Variants in MEF2A observed in about 807,000 individuals in gnomAD.
MEF2A encodes the protein myocyte enhancer factor 2A, also known as myocyte-specific enhancer factor 2A.
Under a neutral mutation model 55.8 loss-of-function variants are expected in MEF2A, and 28 were observed. The ratio of observed to expected loss-of-function variants is 0.50; its 90% CI spans 0.37 to 0.69. The LOEUF (loss-of-function observed/expected upper bound fraction) is 0.69, where lower values mean the gene tolerates loss of function less well. Ranked by LOEUF, MEF2A falls within the 30% of genes least tolerant of loss-of-function variation. The pLI is 0.00. For synonymous variants in MEF2A, 239 were observed against 227.1 expected, an observed-to-expected ratio of 1.05 and a Z score of -0.47; for missense variants, 528 against 626.2, an observed-to-expected ratio of 0.84 and a Z score of 1.67.
At chr15:99,693,414 T>C (rs912891465) in intron 8 of MEF2A, among the ~76,000 whole-genome samples, 9 of 151,966 alleles carry the variant, frequency 5.9e-5, no homozygotes, top group African/African-American at 1.9e-4. Flanking sequence ...AACACACACA[T>C]GCACGCATGC....
chr15:99,571,770 A>G (rs989365549), intron 1 of MEF2A, among the ~76,000 whole-genome samples: 1 of 152,046 alleles, frequency 6.6e-6, no homozygotes, highest in Admixed American at 6.5e-5. Flanking sequence ...CTCTGCTGGC[A>G]TTCCCCATAT....
chr15:99,695,237 A>G (rs2056243184), intron 8 of MEF2A, among the ~76,000 whole-genome samples: 1 of 152,192 alleles, frequency 6.6e-6, no homozygotes, highest in South Asian at 2.1e-4. Flanking sequence ...AATAAAATAT[A>G]TGACAACAAA....
At chr15:99,588,366 A>G (rs1021714087) in intron 1 of MEF2A, among the ~76,000 whole-genome samples, 56 of 151,492 alleles carry the variant, frequency 3.7e-4, no homozygotes, top group Middle Eastern at 3.4e-3. Context: ...CAGTGGCACG[A>G]TCTTGGCTCA....
intron 8 of MEF2A, among the ~76,000 whole-genome samples, 166 bp from the exon 9 acceptor site, chr15:99,703,196 A>C (rs2057622536): frequency 6.6e-6 from 1 of 152,234 alleles, no homozygotes; most frequent in Non-Finnish European, 1.5e-5. Context: ...AAAACTCAAC[A>C]AGTAGAGACA....
chr15:99,587,654 G>C (rs1480872619), intron 1 of MEF2A, among the ~76,000 whole-genome samples: 1 of 152,020 alleles, frequency 6.6e-6, no homozygotes, highest in Non-Finnish European at 1.5e-5. Flanking sequence ...TGTTAGTCTT[G>C]CACATGTTGT....
chr15:99,708,873 C>T lies in MEF2A; in HGVS notation c.1010-1761C>T, dbSNP rs535367093. ...TGCCTGTACAAAGGCTAGGAGTTTGCGGGCGGGACGGGGCTGAAGGAATGG... is the reference window on the plus strand; with the variant it reads ...TGCCTGTACAAAGGCTAGGAGTTTGTGGGCGGGACGGGGCTGAAGGAATGG... On this transcript the variant is annotated intron_variant, in intron 10 of 11. Transcript: ENST00000557942. 7.9e-5 allele frequency among the ~76,000 whole-genome samples: 12 copies of T among 152,098 alleles called. No individual in the cohort carries two copies. In the South Asian group the frequency reaches 8.3e-4, roughly 11 times the overall value.
At chr15:99,629,065 G>A (rs1567263380) in intron 2 of MEF2A, among the ~76,000 whole-genome samples, 1 of 151,286 alleles carries the variant, frequency 6.6e-6, no homozygotes, top group Non-Finnish European at 1.5e-5. Flanking sequence ...TATTATTTGG[G>A]AAAAGTCAGC....
At chr15:99,676,855 G>A (rs903801642) in intron 7 of MEF2A, among the ~76,000 whole-genome samples, 1 of 152,124 alleles carries the variant, frequency 6.6e-6, no homozygotes, top group Non-Finnish European at 1.5e-5. Flanking sequence ...TTAGATCGTA[G>A]TGATTAGAAA....
At chr15:99,616,760 A>G (rs2040251369) in intron 2 of MEF2A, among the ~76,000 whole-genome samples, 1 of 152,064 alleles carries the variant, frequency 6.6e-6, no homozygotes, top group Admixed American at 6.6e-5. Flanking sequence ...TGGGTACCGG[A>G]TATCTGTAAA....
intron 1 of MEF2A, among the ~76,000 whole-genome samples, chr15:99,585,026 C>T (rs1232668525): frequency 6.6e-6 from 1 of 152,042 alleles, no homozygotes; most frequent in Non-Finnish European, 1.5e-5. Flanking sequence ...CAAATGCTAC[C>T]TTCTCCATCC....
At chr15:99,605,249 C>T (rs887362703) in intron 2 of MEF2A, among the ~76,000 whole-genome samples, 6 of 152,198 alleles carry the variant, frequency 3.9e-5, no homozygotes, top group Non-Finnish European at 5.9e-5. Context: ...CGTCCTGCCT[C>T]TCTTCCACTT....
chr15:99,668,976 C>T (rs1181509639), intron 4 of MEF2A, among the ~76,000 whole-genome samples: 1 of 152,194 alleles, frequency 6.6e-6, no homozygotes, highest in South Asian at 2.1e-4. Context: ...CTTAAATTCT[C>T]TCATGGTGAC....
chr15:99,628,456 G>A (rs192252133), intron 2 of MEF2A, among the ~76,000 whole-genome samples: 1 of 152,010 alleles, frequency 6.6e-6, no homozygotes, highest in Admixed American at 6.5e-5. Context: ...TACATATTTG[G>A]ATTAAATCTG....
chr15:99,699,729 CTG>C (rs1219261982), intron 8 of MEF2A, among the ~76,000 whole-genome samples: 1 of 152,186 alleles, frequency 6.6e-6, no homozygotes, highest in East Asian at 1.9e-4. Flanking sequence ...TAGCAAATCA[CTG>C]TGCTCTAGAT....
intron 4 of MEF2A, among the ~76,000 whole-genome samples, chr15:99,658,195 C>G (rs1213384466): frequency 6.6e-6 from 1 of 151,972 alleles, no homozygotes; most frequent in Non-Finnish European, 1.5e-5. Flanking sequence ...AAGAAATAAG[C>G]TTGAAAATAT....
At chr15:99,600,015 C>G (rs1015278148) in intron 2 of MEF2A, among the ~76,000 whole-genome samples, 10 of 152,016 alleles carry the variant, frequency 6.6e-5, no homozygotes, top group African/African-American at 2.4e-4. Flanking sequence ...ATTTTGGTAT[C>G]CATGGAGGAT....
At chr15:99,585,029 CTCCA>C (rs1011930455) in intron 1 of MEF2A, among the ~76,000 whole-genome samples, 1 of 152,090 alleles carries the variant, frequency 6.6e-6, no homozygotes, top group African/African-American at 2.4e-5. Flanking sequence ...ATGCTACCTT[CTCCA>C]TCCACTAGCT....
chr15:99,671,288 A>G, intron 4 of MEF2A, 35 bp from the exon 5 acceptor site: 1 of 1,586,776 alleles, frequency 6.3e-7, no homozygotes, highest in Non-Finnish European at 8.6e-7. Flanking sequence ...GCAAGTTAGC[A>G]TTATTTGTGT....
intron 1 of MEF2A, among the ~76,000 whole-genome samples, chr15:99,591,682 C>T: frequency 6.6e-6 from 1 of 151,988 alleles, no homozygotes; most frequent in Non-Finnish European, 1.5e-5. Context: ...ACAGGTTCTT[C>T]ATAATCTGTT....
Sources: allele counts gnomAD v4.1 joint callset (sites outside exome capture counted in the v4.1 genomes callset), GRCh38; gene constraint gnomAD v4.1.1; transcripts MANE v1.5; gene names NCBI Gene and HGNC (gene_info 2026-07-23, HGNC 2026-07-21).